The following PSMD9 variants were observed in gnomAD, a reference collection of about 807,000 sequenced individuals.
PSMD9 encodes proteasome 26S subunit, non-ATPase 9.
Under a neutral mutation model 25.9 loss-of-function variants are expected in PSMD9, and 26 were observed. The ratio of observed to expected loss-of-function variants is 1.00; its 90% CI spans 0.73 to 1.39. The LOEUF (loss-of-function observed/expected upper bound fraction) is 1.39, where lower values mean the gene tolerates loss of function less well. PSMD9 is among the 40% of genes most tolerant of loss of function. The pLI, the probability that PSMD9 is intolerant of heterozygous loss-of-function variation, is 0.00. For missense variants in PSMD9, 303 were observed against 299.3 expected (o/e 1.01, Z -0.09); for synonymous variants, 110 against 114.5 (o/e 0.96, Z 0.25).
In PSMD9 at chr12:121,890,159, C is replaced by T. The variant is rs111445857; in HGVS notation, c.138+1165C>T. ...GTTGGATTCCTGACCTCAGGTGATC[C>T]GCCCACCTTGGCCTCCCCAAGTGCT... On this transcript the variant is annotated intron_variant, in intron 1 of 5. Coordinates refer to ENST00000541212, the MANE Select transcript of PSMD9 (RefSeq NM_002813.7). Among the ~76,000 whole-genome samples, 51 of 152,264 alleles carry T rather than the reference C, an allele frequency of 3.3e-4. 1 individual carries two copies. Among genetic ancestry groups the T allele is most frequent in the African/African-American group, 1.1e-3 (46 of 41,546 alleles).
In PSMD9 at chr12:121,918,251, C is replaced by T. The variant is rs2272135; in HGVS notation, c.*1940C>T. On this transcript the variant is annotated 3_prime_UTR_variant, in exon 6 of 6. Transcript: ENST00000541212. This position sits in a 1 kb window ranked among gnomAD's most constrained non-coding sequence, Gnocchi z 4.3. Reference sequence around the variant, plus strand: ...AGGCAGGCAGGACGGTTGTGTGCTGCATCCATGAGACCTGGAAATTCAGTT... The same window carrying T: ...AGGCAGGCAGGACGGTTGTGTGCTGTATCCATGAGACCTGGAAATTCAGTT... The T allele has an allele frequency of 0.25, 38,701 of 152,068 alleles. 6,028 individuals carry two copies. Among genetic ancestry groups the T allele is most frequent in the East Asian group, 0.5 (2,594 of 5,174 alleles). 9.4% of individuals were successfully genotyped at this position (152,068 alleles called of 1,614,324 possible). A position where few individuals can be genotyped will look rare whatever the true frequency, so the allele number is the denominator to read the frequency against.
At chr12:121,896,180 C>G (rs575887487) in intron 2 of PSMD9, among the ~76,000 whole-genome samples, 23 of 151,650 alleles carry the variant, frequency 1.5e-4, no homozygotes, top group Admixed American at 1.4e-3. Flanking sequence ...TTTGAAAAAT[C>G]TGTTCTCGGC....
chr12:121,889,580 T>C (rs565762171), intron 1 of PSMD9, among the ~76,000 whole-genome samples: 1 of 152,210 alleles, frequency 6.6e-6, no homozygotes, highest in Non-Finnish European at 1.5e-5. Flanking sequence ...GGGGATCTTA[T>C]TAAAATGCAG....
Position 121,889,013 on chromosome 12 carries a change from C to A in PSMD9, c.138+19C>A. The A allele has an allele frequency of 6.4e-7, 1 of 1,570,162 alleles. No individual in the cohort carries two copies. ...GGAAAGCGTGAGTGTGGGTTCGGGG[C>A]GCCCCAAGTCGCCTAACCCGGCCCG... On this transcript the variant is annotated intron_variant, in intron 1 of 5. Coordinates refer to ENST00000541212, the MANE Select transcript of PSMD9 (RefSeq NM_002813.7).
chr12:121,909,314 C>CT (rs140343580), intron 4 of PSMD9, among the ~76,000 whole-genome samples: 19,551 of 141,140 alleles, frequency 0.14, 3,132 homozygotes, highest in African/African-American at 0.4. Flanking sequence ...CAGCCACTGC[C>CT]TTTTTTTTTT....
intron 4 of PSMD9, among the ~76,000 whole-genome samples, chr12:121,905,832 A>G (rs1203490416): frequency 6.6e-6 from 1 of 151,894 alleles, no homozygotes; most frequent in African/African-American, 2.4e-5. Flanking sequence ...GTGGCCTGCC[A>G]TTCCCGTGAG....
intron 1 of PSMD9, among the ~76,000 whole-genome samples, chr12:121,891,165 G>A (rs1382685440): frequency 2.0e-5 from 3 of 150,228 alleles, no homozygotes; most frequent in Admixed American, 6.6e-5. Context: ...GCGTGGTGGT[G>A]CATGCCTGTA....
chr12:121,899,343 G>T, intron 2 of PSMD9: 1 of 400,938 alleles, frequency 2.5e-6, no homozygotes, highest in African/African-American at 2.0e-5. Flanking sequence ...AGACAGCACT[G>T]CCTTCAGGAA....
At chr12:121,892,200 A>G (rs1879104493) in intron 1 of PSMD9, among the ~76,000 whole-genome samples, 1 of 152,248 alleles carries the variant, frequency 6.6e-6, no homozygotes. Context: ...CTCAATAATA[A>G]AAAGACAGCC....
chr12:121,915,953 T>C lies in PSMD9; in HGVS notation c.644+9T>C, dbSNP rs1319561110. On this transcript the variant is annotated intron_variant, in intron 5 of 5. Coordinates refer to ENST00000541212, the MANE Select transcript of PSMD9 (RefSeq NM_002813.7). Reference sequence around the variant, plus strand: ...GGAAAAGGACTGCTGGGGTAAAGTATCTGTTTCTGTTCATTCTCACTGGGG... The same window carrying C: ...GGAAAAGGACTGCTGGGGTAAAGTACCTGTTTCTGTTCATTCTCACTGGGG... 1 of 1,610,836 alleles carries C rather than the reference T, an allele frequency of 6.2e-7. No individual in the cohort carries two copies.
intron 4 of PSMD9, among the ~76,000 whole-genome samples, chr12:121,904,216 G>GT (rs1450487573): frequency 2.0e-5 from 3 of 150,576 alleles, no homozygotes; most frequent in Non-Finnish European, 3.0e-5. Flanking sequence ...AAATTTATCA[G>GT]TTTTTTTGCT....
chr12:121,906,780 C>T (rs989692608), intron 4 of PSMD9, among the ~76,000 whole-genome samples: 10 of 151,308 alleles, frequency 6.6e-5, no homozygotes, highest in African/African-American at 2.4e-4. Context: ...CGCCACTGCA[C>T]TCCAGCCTGG....
chr12:121,899,848 A>C lies in PSMD9; in HGVS notation c.453+3A>C. On this transcript the variant is annotated splice_donor_region_variant and intron_variant, in intron 3 of 5. Transcript: ENST00000541212. ...CCGGCTCCCCAGCCAGCATCGCGGT[A>C]ATCCAGGGGTTGGCCACTCAAGTCC... is the stretch of plus-strand genomic sequence containing the variant. The C allele has an allele frequency of 1.2e-6, 2 of 1,613,874 alleles. No individual in the cohort carries two copies. The highest frequency in any genetic ancestry group is 1.7e-6 in the Non-Finnish European group (2 of 1,179,848).
At chr12:121,913,172 C>T (rs777921836) in intron 4 of PSMD9, among the ~76,000 whole-genome samples, 1 of 152,028 alleles carries the variant, frequency 6.6e-6, no homozygotes, top group Non-Finnish European at 1.5e-5. Flanking sequence ...TGTCAATCTC[C>T]TGACTTTGTG....
intron 4 of PSMD9, among the ~76,000 whole-genome samples, chr12:121,909,287 G>A (rs1403202830): frequency 6.6e-6 from 1 of 151,732 alleles, no homozygotes; most frequent in Admixed American, 6.6e-5. Context: ...GTTTCCACAC[G>A]TGGGTGCATG....
chr12:121,912,967 C>T (rs1414921885), intron 4 of PSMD9, among the ~76,000 whole-genome samples: 10 of 142,736 alleles, frequency 7.0e-5, no homozygotes, highest in South Asian at 2.3e-4. Context: ...GACGGAGTCT[C>T]GCTCTGTCAC....
chr12:121,903,137 G>A (rs893420289), intron 4 of PSMD9, 30 bp downstream of exon 4: 1 of 1,587,182 alleles, frequency 6.3e-7, no homozygotes, highest in Non-Finnish European at 8.6e-7. Flanking sequence ...GTCTCGGTCT[G>A]TTTGGGTTTT....
intron 4 of PSMD9, among the ~76,000 whole-genome samples, chr12:121,910,082 A>ATTT (rs1159648546): frequency 1.0e-4 from 5 of 48,358 alleles, no homozygotes; most frequent in Non-Finnish European, 1.3e-4. Context: ...GTAGGAAATG[A>ATTT]CTTTTTTTTT....
At chr12:121,904,639 T>TTTATTA (rs71082909) in intron 4 of PSMD9, among the ~76,000 whole-genome samples, 11,335 of 138,802 alleles carry the variant, frequency 0.082, 698 homozygotes, top group East Asian at 0.22. Flanking sequence ...CCATCTGAAA[T>TTTATTA]TTATTATTAT....
Sources: allele counts gnomAD v4.1 joint callset (sites outside exome capture counted in the v4.1 genomes callset), GRCh38; gene constraint gnomAD v4.1.1; non-coding constraint Gnocchi (gnomAD v3.1); transcripts MANE v1.5; gene names NCBI Gene and HGNC (gene_info 2026-07-23, HGNC 2026-07-21).